Variants in DNAJC10 observed in about 807,000 individuals in gnomAD.
The protein encoded by DNAJC10 is endoplasmic reticulum disulfide reductase DNAJC10.
A neutral mutation model predicts 115.0 loss-of-function variants in DNAJC10; 101 were observed. That is an observed-to-expected ratio of 0.88 (90% CI 0.75 to 1.04). DNAJC10 has a LOEUF of 1.04. Among genes scored for constraint, DNAJC10 ranks in the 50% least tolerant of loss-of-function variants. The pLI is 0.00. For missense variants in DNAJC10, 981 were observed against 928.8 expected (o/e 1.06, Z -0.73); for synonymous variants, 307 against 301.5 (o/e 1.02, Z -0.19).
At chr2:182,756,958 A>G (rs1694172996) in intron 18 of DNAJC10, among the ~76,000 whole-genome samples, 1 of 152,142 alleles carries the variant, frequency 6.6e-6, no homozygotes, top group Non-Finnish European at 1.5e-5. Flanking sequence ...CTTTTGACTA[A>G]ACTGTTGCCA....
chr2:182,736,756 T>A (rs993252625), intron 11 of DNAJC10, among the ~76,000 whole-genome samples: 1 of 152,218 alleles, frequency 6.6e-6, no homozygotes, highest in Non-Finnish European at 1.5e-5. Flanking sequence ...ATTGTTTATT[T>A]TGTTTTTTTT....
Position 182,777,189 on chromosome 2 carries a change from A to T in DNAJC10, c.*57A>T, listed in dbSNP as rs1694728249. On this transcript the variant is annotated 3_prime_UTR_variant, in exon 24 of 24. Transcript: ENST00000264065. ...AAATTCTGACAGATGACATCAGAAG[A>T]CACCTATTTAGAATGTTACATTTAT... 2.8e-6 allele frequency: 3 copies of T among 1,085,480 alleles called. No individual in the cohort carries two copies. The Admixed American group carries it at 8.1e-5, about 29-fold the overall frequency. The allele number at this position is 1,085,480 out of a possible 1,614,324, so 67.2% of individuals were successfully genotyped here.
At chr2:182,770,955 A>G (rs1425571065) in intron 22 of DNAJC10, among the ~76,000 whole-genome samples, 1 of 152,138 alleles carries the variant, frequency 6.6e-6, no homozygotes, top group Non-Finnish European at 1.5e-5. Context: ...TGTCATGAAT[A>G]GCTCTTATTA....
intron 12 of DNAJC10, among the ~76,000 whole-genome samples, chr2:182,740,827 A>G (rs910959116): frequency 6.6e-6 from 1 of 151,992 alleles, no homozygotes; most frequent in Admixed American, 6.5e-5. Flanking sequence ...AGTTTTTGCC[A>G]TTTGAAAGTA....
Position 182,717,002 on chromosome 2 carries a change from T to C in DNAJC10, c.-203-14T>C, listed in dbSNP as rs1279776937. On this transcript the variant is annotated splice_polypyrimidine_tract_variant and intron_variant, in intron 1 of 23. Transcript: ENST00000264065. ...GGATACTTGTTAATCTCTACATCAT[T>C]ATATTTTTCAAAGGTATATTTTTGT... is the stretch of plus-strand genomic sequence containing the variant. 6.6e-6 allele frequency: 1 copy of C among 152,232 alleles called. No individual in the cohort carries two copies. Among genetic ancestry groups the C allele is most frequent in the Non-Finnish European group, 1.5e-5 (1 of 68,038 alleles). 9.4% of individuals were successfully genotyped at this position (152,232 alleles called of 1,614,324 possible). A position where few individuals can be genotyped will look rare whatever the true frequency, so the allele number is the denominator to read the frequency against.
intron 6 of DNAJC10, 70 bp downstream of exon 6, chr2:182,728,728 T>C (rs1693356628): frequency 6.6e-7 from 1 of 1,509,232 alleles, no homozygotes; most frequent in Admixed American, 1.9e-5. Flanking sequence ...GTTAGAATTT[T>C]TTTTTCTATG....
At chr2:182,755,364 T>C (rs916272691) in intron 17 of DNAJC10, among the ~76,000 whole-genome samples, 1 of 151,984 alleles carries the variant, frequency 6.6e-6, no homozygotes, top group Non-Finnish European at 1.5e-5. Flanking sequence ...ATTGAACATA[T>C]GCAATGTATT....
At chr2:182,760,462 A>G (rs1364394974) in intron 21 of DNAJC10, among the ~76,000 whole-genome samples, 1 of 152,144 alleles carries the variant, frequency 6.6e-6, no homozygotes, top group Non-Finnish European at 1.5e-5. Flanking sequence ...TCGGTATAGC[A>G]TTGTCCATCT....
At chr2:182,758,094 GT>G (rs1245737718) in intron 19 of DNAJC10, among the ~76,000 whole-genome samples, 1 of 152,082 alleles carries the variant, frequency 6.6e-6, no homozygotes, top group Non-Finnish European at 1.5e-5. Context: ...TTGGTTTCAG[GT>G]ACTATATTAG....
At chr2:182,758,295 C>T (rs978636706) in intron 19 of DNAJC10, among the ~76,000 whole-genome samples, 1 of 152,146 alleles carries the variant, frequency 6.6e-6, no homozygotes, top group African/African-American at 2.4e-5. Flanking sequence ...AGGTTTGAAC[C>T]CAAGTCTGTC....
intron 4 of DNAJC10, among the ~76,000 whole-genome samples, chr2:182,721,577 A>C (rs1279346392): frequency 6.6e-6 from 1 of 152,160 alleles, no homozygotes; most frequent in Non-Finnish European, 1.5e-5. Flanking sequence ...CTGAAAATCA[A>C]ATGAGGTCTG....
At chr2:182,766,956 AGTCT>A (rs555221620) in intron 22 of DNAJC10, among the ~76,000 whole-genome samples, 1 of 152,104 alleles carries the variant, frequency 6.6e-6, no homozygotes, top group Non-Finnish European at 1.5e-5. Flanking sequence ...AAAAGGCTCC[AGTCT>A]GTCCTTATCC....
In DNAJC10 at chr2:182,784,389, C is replaced by A. The variant is rs1361137399; in HGVS notation, c.*7257C>A. The A allele has an allele frequency of 1.3e-5, 2 of 152,068 alleles. No individual in the cohort carries two copies. Among genetic ancestry groups the A allele is most frequent in the Non-Finnish European group, 2.9e-5 (2 of 68,010 alleles). 9.4% of individuals were successfully genotyped at this position (152,068 alleles called of 1,614,324 possible). ...TTTATATAAACTTAAGAAACCTCCC[C>A]ACACAAACACACACAGCCATATTGT... is the stretch of plus-strand genomic sequence containing the variant. On this transcript the variant is annotated 3_prime_UTR_variant, in exon 24 of 24. Transcript: ENST00000264065.
At chr2:182,736,565 A>G (rs1240756546) in intron 11 of DNAJC10, among the ~76,000 whole-genome samples, 179 bp downstream of exon 11, 5 of 152,312 alleles carry the variant, frequency 3.3e-5, no homozygotes, top group African/African-American at 1.2e-4. Flanking sequence ...GCTTCAAATT[A>G]TAAAATTTAA....
rs1046188188 is a variant in DNAJC10, at chr2:182,791,961, T to G, written c.*14829T>G. The G allele has an allele frequency of 3.9e-5, 6 of 152,190 alleles. No homozygotes were observed. Among genetic ancestry groups the G allele is most frequent in the African/African-American group, 1.4e-4 (6 of 41,476 alleles). 9.4% of individuals were successfully genotyped at this position (152,190 alleles called of 1,614,324 possible). On this transcript the variant is annotated 3_prime_UTR_variant, in exon 24 of 24. Transcript: ENST00000264065. ...ACATTTTAAATTTAACTCTAAACAA[T>G]GCAATAATCTAGAGAATCAGAGAAT...
At chr2:182,754,051 C>G (rs1179967205) in intron 16 of DNAJC10, among the ~76,000 whole-genome samples, 1 of 152,166 alleles carries the variant, frequency 6.6e-6, no homozygotes, top group African/African-American at 2.4e-5. Flanking sequence ...TACTTAGCCT[C>G]TCAGTAACTT....
chr2:182,752,600 G>A (rs1445869679), intron 16 of DNAJC10: 2 of 929,036 alleles, frequency 2.2e-6, no homozygotes, highest in Non-Finnish European at 2.6e-6. Context: ...TGAAATCTTT[G>A]TTTAAATGAA....
rs1386213394 is a variant in DNAJC10, at chr2:182,789,184, G to A, written c.*12052G>A. 5.6e-6 allele frequency: 1 copy of A among 177,470 alleles called. No individual in the cohort carries two copies. Among genetic ancestry groups the A allele is most frequent in the Non-Finnish European group, 1.2e-5 (1 of 85,166 alleles). 11.0% of individuals were successfully genotyped at this position (177,470 alleles called of 1,614,324 possible). Reference sequence around the variant, plus strand: ...TTTTTGTGATTCCTTATTTTACTTAGCGTAAGTCCTCGAGACTCACCCATG... The same window carrying A: ...TTTTTGTGATTCCTTATTTTACTTAACGTAAGTCCTCGAGACTCACCCATG... On this transcript the variant is annotated 3_prime_UTR_variant, in exon 24 of 24. Coordinates refer to ENST00000264065, the MANE Select transcript of DNAJC10 (RefSeq NM_018981.4).
In DNAJC10 at chr2:182,736,186, C is replaced by G. The variant is rs1693579936; in HGVS notation, c.850-63C>G. 6 of 1,500,318 alleles carry G rather than the reference C, an allele frequency of 4.0e-6. No homozygotes were observed. The South Asian group carries it at 8.3e-5, about 21-fold the overall frequency. The allele number at this position is 1,500,318 out of a possible 1,614,324, so 92.9% of individuals were successfully genotyped here. ...ATTGTGTTTTTAGCTAAGTAAAGCT[C>G]TAAATCCCTTTAACTTTTTGCCTCC... On this transcript the variant is annotated intron_variant, in intron 10 of 23. Coordinates refer to ENST00000264065, the MANE Select transcript of DNAJC10 (RefSeq NM_018981.4).
Sources: allele counts gnomAD v4.1 joint callset (sites outside exome capture counted in the v4.1 genomes callset), GRCh38; gene constraint gnomAD v4.1.1; transcripts MANE v1.5; gene names NCBI Gene and HGNC (gene_info 2026-07-23, HGNC 2026-07-21).